Variants in CFHR3 observed in about 807,000 individuals in gnomAD.
CFHR3 encodes complement factor H related 3, also known as complement factor H-related protein 3.
In CFHR3, 22 loss-of-function variants were observed where a neutral mutation model predicts 36.0. The observed-to-expected ratio is 0.61, with a 90% CI of 0.44 to 0.87. The LOEUF is 0.87. Among genes scored for constraint, CFHR3 ranks in the 40% least tolerant of loss-of-function variants. CFHR3 has a pLI of 0.00. For missense variants in CFHR3, 276 were observed against 401.3 expected (o/e 0.69, Z 2.67); for synonymous variants, 97 against 137.4 (o/e 0.71, Z 2.06).
intron 1 of CFHR3, among the ~76,000 whole-genome samples, chr1:196,775,314 A>G (rs544162706): frequency 7.3e-6 from 1 of 136,798 alleles, no homozygotes; most frequent in Admixed American, 7.1e-5. Context: ...GAACATTGGG[A>G]GTGACTGATG....
Position 196,782,124 on chromosome 1 carries a change from G to C in CFHR3, c.430+2151G>C, listed in dbSNP as rs1334270620. On this transcript the variant is annotated intron_variant, in intron 3 of 5. Coordinates refer to ENST00000367425, the MANE Select transcript of CFHR3 (RefSeq NM_021023.6). ...GATCAGATAGTTGTAGATATGCAGC[G>C]TTATTTCTGAGGGCTCTGTTCTGTT... is the stretch of plus-strand genomic sequence containing the variant. Among the ~76,000 whole-genome samples the C allele has an allele frequency of 2.2e-5, 3 of 136,414 alleles. 1 individual carries two copies. The highest frequency in any genetic ancestry group is 4.7e-5 in the Non-Finnish European group (3 of 64,396). The allele number at this position is 136,414 out of a possible 152,430, so 89.5% of individuals were successfully genotyped here. A position where few individuals can be genotyped will look rare whatever the true frequency, so the allele number is the denominator to read the frequency against.
chr1:196,780,647 AAGGTAAAATCT>A (rs1368679730), intron 3 of CFHR3, among the ~76,000 whole-genome samples: 1 of 135,876 alleles, frequency 7.4e-6, no homozygotes, highest in Non-Finnish European at 1.6e-5. Flanking sequence ...AATAATTCTG[AAGGTAAAATCT>A]CTTTTAATTA....
rs1430923403 is a variant in CFHR3 at position 196,791,425 on chromosome 1, A to C, written c.796+1198A>C. Among the ~76,000 whole-genome samples, 11 of 133,688 alleles carry C rather than the reference A, an allele frequency of 8.2e-5. 1 individual carries two copies. The highest frequency in any genetic ancestry group is 4.3e-4 in the Admixed American group (6 of 13,914). The allele number at this position is 133,688 out of a possible 152,430, so 87.7% of individuals were successfully genotyped here. A position where few individuals can be genotyped will look rare whatever the true frequency, so the allele number is the denominator to read the frequency against. On this transcript the variant is annotated intron_variant, in intron 5 of 5. Transcript: ENST00000367425. ...GCCCTGGGACACCCATCAGTCCTTGAATGTCAGATAACCTATTCCTATCAC... is the reference window on the plus strand; with the variant it reads ...GCCCTGGGACACCCATCAGTCCTTGCATGTCAGATAACCTATTCCTATCAC...
Position 196,778,487 on chromosome 1 carries a change from T to A in CFHR3, c.59-675T>A, listed in dbSNP as rs1218461897. Among the ~76,000 whole-genome samples the A allele has an allele frequency of 2.2e-5, 3 of 136,692 alleles. 1 individual carries two copies. Among genetic ancestry groups the A allele is most frequent in the African/African-American group, 6.1e-5 (2 of 32,764 alleles). The allele number at this position is 136,692 out of a possible 152,430, so 89.7% of individuals were successfully genotyped here. On this transcript the variant is annotated intron_variant, in intron 1 of 5. Transcript: ENST00000367425. ...AAATTATATGCTATTTAAATTATGG[T>A]ATTGGTCAACATTCTATATGTCTAC...
Position 196,794,825 on chromosome 1 carries a change from T to G in CFHR3, c.*1312T>G, listed in dbSNP as rs1450499248. On this transcript the variant is annotated 3_prime_UTR_variant, in exon 6 of 6. Transcript: ENST00000367425. ...AAAACAATGTTCCCTTTCCCAACAC[T>G]TTTCCTGATTATAGAGAAAAAAGCA... 8.2e-6 allele frequency: 2 copies of G among 242,582 alleles called. No individual in the cohort carries two copies. Among genetic ancestry groups the G allele is most frequent in the Non-Finnish European group, 1.6e-5 (2 of 128,724 alleles). 15.0% of individuals were successfully genotyped at this position (242,582 alleles called of 1,614,324 possible).
rs1407584321 is a variant in CFHR3, at chr1:196,792,796, T to C, written c.797-521T>C. Among the ~76,000 whole-genome samples the C allele has an allele frequency of 1.5e-5, 2 of 137,124 alleles. 1 individual carries two copies. The highest frequency in any genetic ancestry group is 6.1e-5 in the African/African-American group (2 of 32,972). The allele number at this position is 137,124 out of a possible 152,430, so 90.0% of individuals were successfully genotyped here. On this transcript the variant is annotated intron_variant, in intron 5 of 5. Coordinates refer to ENST00000367425, the MANE Select transcript of CFHR3 (RefSeq NM_021023.6). ...GTATATTTATGTATGTATGTATGTA[T>C]GTATATATAGTTTCATTTTAACAGA...
At chr1:196,776,618 A>C (rs780240062) in intron 1 of CFHR3, among the ~76,000 whole-genome samples, 1 of 136,282 alleles carries the variant, frequency 7.3e-6, no homozygotes, top group South Asian at 2.5e-4. Context: ...GAGAGAAAAC[A>C]ACCATTTACA....
intron 3 of CFHR3, among the ~76,000 whole-genome samples, chr1:196,786,700 C>T (rs943437507): frequency 1.5e-5 from 2 of 136,952 alleles, no homozygotes; most frequent in South Asian, 2.5e-4. Flanking sequence ...TTCCAGGTGC[C>T]GTGTGTCACC....
chr1:196,781,618 T>A lies in CFHR3; in HGVS notation c.430+1645T>A, dbSNP rs1424997758. On this transcript the variant is annotated intron_variant, in intron 3 of 5. Coordinates refer to ENST00000367425, the MANE Select transcript of CFHR3 (RefSeq NM_021023.6). ...ATGTCTTCTTTTGAGAAGCATCTGT[T>A]CATGTCCTTTGCCCACTTTTTGATG... Among the ~76,000 whole-genome samples the A allele has an allele frequency of 2.9e-5, 4 of 137,212 alleles. 1 individual carries two copies. In the East Asian group the frequency reaches 7.8e-4, roughly 27 times the overall value. The allele number at this position is 137,212 out of a possible 152,430, so 90.0% of individuals were successfully genotyped here.
chr1:196,787,616 A>G (rs60507443), intron 3 of CFHR3, among the ~76,000 whole-genome samples: 2,403 of 136,824 alleles, frequency 0.018, 590 homozygotes, highest in African/African-American at 0.066. Flanking sequence ...TATATAAAGA[A>G]CAAATACATT....
intron 1 of CFHR3, among the ~76,000 whole-genome samples, chr1:196,775,756 A>G (rs1404664330): frequency 7.3e-6 from 1 of 136,978 alleles, no homozygotes; most frequent in African/African-American, 3.0e-5. Flanking sequence ...TGGACAATCA[A>G]GGGTGTGTGT....
chr1:196,793,253 G>T lies in CFHR3; in HGVS notation c.797-64G>T, dbSNP rs187588824. On this transcript the variant is annotated intron_variant, in intron 5 of 5. Coordinates refer to ENST00000367425, the MANE Select transcript of CFHR3 (RefSeq NM_021023.6). ...TATTTTATCCTAAACTACTCATTAG[G>T]ATGCATTTTATTTGCTCATGAAAGA... The T allele has an allele frequency of 2.6e-3, 3,422 of 1,337,010 alleles. 419 individuals carry two copies. The highest frequency in any genetic ancestry group is 2.7e-3 in the Non-Finnish European group (2,666 of 986,264). 82.8% of individuals were successfully genotyped at this position (1,337,010 alleles called of 1,614,324 possible).
Position 196,785,173 on chromosome 1 carries a change from G to A in CFHR3, c.431-3043G>A, listed in dbSNP as rs1359051425. ...TTGTAGAGTTTCTGCTGAGAGATCT[G>A]CTATTAGTCTGATGGGCTTCCCTTT... On this transcript the variant is annotated intron_variant, in intron 3 of 5. Transcript: ENST00000367425. Among the ~76,000 whole-genome samples the A allele has an allele frequency of 1.2e-4, 16 of 137,016 alleles. 1 individual carries two copies. 89.9% of individuals were successfully genotyped at this position (137,016 alleles called of 152,430 possible). A position where few individuals can be genotyped will look rare whatever the true frequency, so the allele number is the denominator to read the frequency against.
Position 196,779,922 on chromosome 1 carries a change from G to C in CFHR3, c.379G>C (p.Val127Leu), listed in dbSNP as rs1291769247. The C allele has an allele frequency of 6.5e-7, 1 of 1,533,464 alleles. No individual in the cohort carries two copies. The highest frequency in any genetic ancestry group is 1.2e-5 in the South Asian group (1 of 80,680). The allele number at this position is 1,533,464 out of a possible 1,614,324, so 95.0% of individuals were successfully genotyped here. A position where few individuals can be genotyped will look rare whatever the true frequency, so the allele number is the denominator to read the frequency against. Residue 127 changes from valine (V) to leucine (L), a missense_variant, in exon 3 of 6, where the codon GTT (valine) becomes CTT (leucine). By Grantham distance (32) the Val-to-Leu change is conservative. Coordinates refer to ENST00000367425, the MANE Select transcript of CFHR3 (RefSeq NM_021023.6). ...GYGLPKAQTT[V>L]TCTEKGWSPT... ...CGGTCTTCCAAAAGCGCAGACCACA[G>C]TTACATGTACGGAGAAAGGCTGGTC...
intron 4 of CFHR3, chr1:196,788,624 A>G: frequency 1.5e-6 from 2 of 1,341,728 alleles, no homozygotes; most frequent in Non-Finnish European, 2.0e-6. Flanking sequence ...CTGCCTTTAC[A>G]TAAAAGCAAT....
In CFHR3 at chr1:196,785,291, C is replaced by T. The variant is rs1276286003; in HGVS notation, c.431-2925C>T. Among the ~76,000 whole-genome samples, 11 of 134,300 alleles carry T rather than the reference C, an allele frequency of 8.2e-5. 2 individuals are homozygous for T. Among genetic ancestry groups the T allele is most frequent in the Admixed American group, 1.4e-4 (2 of 13,952 alleles). 88.1% of individuals were successfully genotyped at this position (134,300 alleles called of 152,430 possible). A position where few individuals can be genotyped will look rare whatever the true frequency, so the allele number is the denominator to read the frequency against. On this transcript the variant is annotated intron_variant, in intron 3 of 5. Transcript: ENST00000367425. ...CTGACAATTATGTGTCTTGGAGTTG[C>T]TCTTCTCTAGGAGTATCTTTGTGGC... is the stretch of plus-strand genomic sequence containing the variant.
At chr1:196,781,916 T>C (rs1181744237) in intron 3 of CFHR3, among the ~76,000 whole-genome samples, 1 of 137,226 alleles carries the variant, frequency 7.3e-6, no homozygotes, top group Non-Finnish European at 1.5e-5. Flanking sequence ...GGTTTTCTTT[T>C]AGGGTTTTTA....
Position 196,780,873 on chromosome 1 carries a change from C to T in CFHR3, c.430+900C>T, listed in dbSNP as rs1016771437. 4.5e-5 allele frequency among the ~76,000 whole-genome samples: 6 copies of T among 132,186 alleles called. 2 individuals are homozygous for T. Among genetic ancestry groups the T allele is most frequent in the African/African-American group, 1.9e-4 (6 of 30,904 alleles). 86.7% of individuals were successfully genotyped at this position (132,186 alleles called of 152,430 possible). The stretch of plus-strand genomic sequence containing the variant: ...TGTGCAGGTTAGTTACATATGTATA[C>T]ATGTGCCATGCTGGTGTGCTGCACC... On this transcript the variant is annotated intron_variant, in intron 3 of 5. Transcript: ENST00000367425.
Position 196,783,876 on chromosome 1 carries a change from T to G in CFHR3, c.430+3903T>G, listed in dbSNP as rs1325912404. Among the ~76,000 whole-genome samples, 3 of 135,544 alleles carry G rather than the reference T, an allele frequency of 2.2e-5. No homozygotes were observed. The East Asian group carries it at 5.9e-4, about 27-fold the overall frequency. The allele number at this position is 135,544 out of a possible 152,430, so 88.9% of individuals were successfully genotyped here. On this transcript the variant is annotated intron_variant, in intron 3 of 5. Coordinates refer to ENST00000367425, the MANE Select transcript of CFHR3 (RefSeq NM_021023.6). ...AATGTGTTTGCTCTTGCTTTTCTAG[T>G]TCTTTTAATTGTGATGTTAGGGTGT...
Sources: allele counts gnomAD v4.1 joint callset (sites outside exome capture counted in the v4.1 genomes callset), GRCh38; gene constraint gnomAD v4.1.1; transcripts MANE v1.5; gene names NCBI Gene and HGNC (gene_info 2026-07-23, HGNC 2026-07-21).